The following HCN1 variants were observed in gnomAD, a reference collection of about 807,000 sequenced individuals.
HCN1 encodes the protein potassium/sodium hyperpolarization-activated cyclic nucleotide-gated channel 1.
Under a neutral mutation model 78.9 loss-of-function variants are expected in HCN1, and 13 were observed. The ratio of observed to expected loss-of-function variants is 0.16; its 90% CI spans 0.11 to 0.26. HCN1 has a LOEUF of 0.26. HCN1 is among the 10% of genes least tolerant of loss of function. HCN1 has a pLI of 1.00. For synonymous variants in HCN1, 552 were observed against 455.5 expected, an observed-to-expected ratio of 1.21 and a Z score of -2.70; for missense variants, 810 against 1,154.3, an observed-to-expected ratio of 0.70 and a Z score of 4.32.
chr5:45,601,043 T>A (rs1045146351), intron 2 of HCN1, among the ~76,000 whole-genome samples: 58 of 152,130 alleles, frequency 3.8e-4, no homozygotes, highest in African/African-American at 4.8e-4. Context: ...GAATATATAT[T>A]TTTTTTCCTA....
chr5:45,611,269 C>CTTTTTTTTT (rs1054830050), intron 2 of HCN1, among the ~76,000 whole-genome samples: 20 of 113,728 alleles, frequency 1.8e-4, no homozygotes, highest in Admixed American at 3.8e-4. Context: ...TTATCTTTTT[C>CTTTTTTTTT]TTTTTTTTTT....
intron 2 of HCN1, among the ~76,000 whole-genome samples, chr5:45,550,389 C>T (rs1452830892): frequency 2.6e-5 from 4 of 152,068 alleles, no homozygotes; most frequent in African/African-American, 7.2e-5. Flanking sequence ...AGCAAACTAT[C>T]GCAAGGACAA....
intron 2 of HCN1, among the ~76,000 whole-genome samples, chr5:45,581,896 C>A (rs1426804462): frequency 2.0e-5 from 3 of 152,112 alleles, no homozygotes; most frequent in African/African-American, 7.2e-5. Flanking sequence ...GCTTTGGTAC[C>A]AGCACCATGC....
chr5:45,677,284 T>C (rs557499511), intron 1 of HCN1, among the ~76,000 whole-genome samples: 2 of 151,936 alleles, frequency 1.3e-5, no homozygotes, highest in South Asian at 2.1e-4. Context: ...TCTGACTTCT[T>C]CACTGCTCTA....
chr5:45,693,084 G>A (rs1005236594), intron 1 of HCN1, among the ~76,000 whole-genome samples: 1 of 152,064 alleles, frequency 6.6e-6, no homozygotes, highest in African/African-American at 2.4e-5. Flanking sequence ...TAAAGTAAAG[G>A]CTAGATCATG....
At chr5:45,478,042 T>C (rs904353804) in intron 2 of HCN1, among the ~76,000 whole-genome samples, 1 of 152,134 alleles carries the variant, frequency 6.6e-6, no homozygotes, top group African/African-American at 2.4e-5. Flanking sequence ...TAATCCCAGC[T>C]ACTCAGGAAG....
intron 5 of HCN1, among the ~76,000 whole-genome samples, chr5:45,336,858 C>CT (rs1325561167): frequency 6.6e-6 from 1 of 151,940 alleles, no homozygotes; most frequent in African/African-American, 2.4e-5. Flanking sequence ...TCTGGGACTT[C>CT]TTTTATAAAA....
At chr5:45,329,611 A>T (rs1459770799) in intron 5 of HCN1, among the ~76,000 whole-genome samples, 1 of 151,540 alleles carries the variant, frequency 6.6e-6, no homozygotes, top group Non-Finnish European at 1.5e-5. Flanking sequence ...GAAACAAATG[A>T]TCATAGAATA....
chr5:45,339,379 A>C (rs2111962792), intron 5 of HCN1, among the ~76,000 whole-genome samples: 1 of 152,330 alleles, frequency 6.6e-6, no homozygotes, highest in Non-Finnish European at 1.5e-5. Flanking sequence ...GTAGAAGGTA[A>C]GCTGAGTAGA....
At chr5:45,295,130 C>G (rs1745462783) in intron 6 of HCN1, among the ~76,000 whole-genome samples, 1 of 151,864 alleles carries the variant, frequency 6.6e-6, no homozygotes, top group South Asian at 2.1e-4. Context: ...CCCAACTGGC[C>G]TAAGCTATGT....
At chr5:45,563,805 C>A (rs1323956110) in intron 2 of HCN1, among the ~76,000 whole-genome samples, 2 of 152,006 alleles carry the variant, frequency 1.3e-5, no homozygotes, top group Admixed American at 1.3e-4. Flanking sequence ...TCTAATTCAC[C>A]CAATAACCCT....
chr5:45,356,843 C>G (rs1212056071), intron 4 of HCN1, among the ~76,000 whole-genome samples: 1 of 151,960 alleles, frequency 6.6e-6, no homozygotes, highest in Non-Finnish European at 1.5e-5. Context: ...ATTGGAACTT[C>G]CAAACTCATA....
chr5:45,678,279 G>T (rs1424950970), intron 1 of HCN1, among the ~76,000 whole-genome samples: 3 of 151,840 alleles, frequency 2.0e-5, no homozygotes, highest in Admixed American at 6.6e-5. Context: ...GTTAATGGAG[G>T]AATTTCTTGG....
intron 3 of HCN1, among the ~76,000 whole-genome samples, chr5:45,455,344 ATT>A (rs1346282867): frequency 6.6e-6 from 1 of 152,064 alleles, no homozygotes; most frequent in Non-Finnish European, 1.5e-5. Flanking sequence ...ATTTCACTGG[ATT>A]ATAAATGTAT....
At chr5:45,561,876 G>A (rs915956817) in intron 2 of HCN1, among the ~76,000 whole-genome samples, 1 of 152,158 alleles carries the variant, frequency 6.6e-6, no homozygotes, top group African/African-American at 2.4e-5. Context: ...ACACATCAAT[G>A]TGCTGTGAGG....
At chr5:45,418,422 A>C (rs1229139866) in intron 3 of HCN1, among the ~76,000 whole-genome samples, 2 of 149,356 alleles carry the variant, frequency 1.3e-5, no homozygotes, top group Non-Finnish European at 1.5e-5. Flanking sequence ...TGATAGGCTA[A>C]AAACTATCAC....
chr5:45,571,799 AC>A (rs1017756890), intron 2 of HCN1, among the ~76,000 whole-genome samples: 68 of 152,112 alleles, frequency 4.5e-4, no homozygotes, highest in African/African-American at 1.5e-3. Context: ...CTGTAATCCC[AC>A]CTATTTGGGA....
intron 5 of HCN1, among the ~76,000 whole-genome samples, chr5:45,328,146 T>G (rs1746273020): frequency 6.6e-6 from 1 of 151,642 alleles, no homozygotes; most frequent in Non-Finnish European, 1.5e-5. Flanking sequence ...CAGAACACAT[T>G]TCTGTTCATG....
chr5:45,672,765 G>T (rs1746176194), intron 1 of HCN1, among the ~76,000 whole-genome samples: 1 of 151,216 alleles, frequency 6.6e-6, no homozygotes. Flanking sequence ...CTGAGTCCTT[G>T]TTAATTAATT....
Sources: gnomAD v4.1 joint callset for allele counts (sites outside exome capture counted in the v4.1 genomes callset) on GRCh38, gnomAD v4.1.1 for gene constraint, MANE v1.5 for transcripts, NCBI Gene and HGNC (gene_info 2026-07-23, HGNC 2026-07-21) for gene names.